ATP8B2: variants seen among roughly 807,000 people sequenced by gnomAD.
ATP8B2 encodes ATPase phospholipid transporting 8B2.
Under a neutral mutation model 133.4 loss-of-function variants are expected in ATP8B2, and 70 were observed. The ratio of observed to expected loss-of-function variants is 0.52; its 90% CI spans 0.43 to 0.64. ATP8B2 has a LOEUF of 0.64. Ranked by LOEUF, ATP8B2 falls within the 30% of genes least tolerant of loss-of-function variation. The pLI is 0.00. For synonymous variants in ATP8B2, 517 were observed against 589.5 expected (o/e 0.88, Z 1.78); for missense variants, 1,101 against 1,535.7 (o/e 0.72, Z 4.73).
chr1:154,333,458 C>G (rs563879379), intron 9 of ATP8B2, among the ~76,000 whole-genome samples: 1 of 150,120 alleles, frequency 6.7e-6, no homozygotes, highest in Non-Finnish European at 1.5e-5. Flanking sequence ...GAGCCGAGAT[C>G]GGGCCACTGC....
Position 154,349,145 on chromosome 1 carries a change from G to C in ATP8B2, c.*27G>C. The C allele has an allele frequency of 6.2e-7, 1 of 1,605,388 alleles. No homozygotes were observed. The highest frequency in any genetic ancestry group is 8.5e-7 in the Non-Finnish European group (1 of 1,174,192). On this transcript the variant is annotated 3_prime_UTR_variant, in exon 28 of 28. Transcript: ENST00000368489. ...GGCCGAGGATGGATGCCCTGTGCCA[G>C]TGACCAGAGCACCCAGGGCTGGCCA...
chr1:154,330,439 G>A lies in ATP8B2; in HGVS notation c.75G>A (p.Glu25=). ...RARANDREYN[E]KFQYASNCIK... ...GGGCTAATGACCGAGAATACAATGA[G>A]AAATTCCAGTATGCGGTAAGCGACT... is the stretch of plus-strand genomic sequence containing the variant. The change falls in exon 3 of 28, where the codon GAG becomes GAA. Residue 25 remains glutamate, a synonymous_variant. Coordinates refer to ENST00000368489, the MANE Select transcript of ATP8B2 (RefSeq NM_001370597.1). 6.6e-7 allele frequency: 1 copy of A among 1,526,404 alleles called. No homozygotes were observed. Among genetic ancestry groups the A allele is most frequent in the Non-Finnish European group, 8.9e-7 (1 of 1,119,862 alleles). The allele number at this position is 1,526,404 out of a possible 1,614,324, so 94.6% of individuals were successfully genotyped here.
chr1:154,342,347 A>C (rs1288087364), intron 13 of ATP8B2, 133 bp from the exon 14 acceptor site: 1 of 886,242 alleles, frequency 1.1e-6, no homozygotes, highest in East Asian at 2.4e-5. Context: ...AGTGACTCAC[A>C]CTGTGACAGC....
rs1685978723 is a variant in ATP8B2 at position 154,331,202 on chromosome 1, C to G, written c.303+56C>G. On this transcript the variant is annotated intron_variant, in intron 5 of 27. Transcript: ENST00000368489. This position sits in a 1 kb window ranked among gnomAD's most constrained non-coding sequence, Gnocchi z 4.8. ...CAGTCACCCACCCCTACTCCCAGCCCCACCCCCATCTCATGGCCACCTTCA... is the reference window on the plus strand; with the variant it reads ...CAGTCACCCACCCCTACTCCCAGCCGCACCCCCATCTCATGGCCACCTTCA... 1 of 1,492,320 alleles carries G rather than the reference C, an allele frequency of 6.7e-7. No individual in the cohort carries two copies. Among genetic ancestry groups the G allele is most frequent in the Non-Finnish European group, 9.3e-7 (1 of 1,080,114 alleles). The allele number at this position is 1,492,320 out of a possible 1,614,324, so 92.4% of individuals were successfully genotyped here.
At chr1:154,335,996 C>T (rs955071005) in intron 11 of ATP8B2, among the ~76,000 whole-genome samples, 2 of 148,740 alleles carry the variant, frequency 1.3e-5, no homozygotes, top group Non-Finnish European at 3.0e-5. Flanking sequence ...GAGCCGAGGT[C>T]GCGCCACTGC....
chr1:154,347,237 C>T (rs1422971848), intron 26 of ATP8B2, among the ~76,000 whole-genome samples: 10 of 152,138 alleles, frequency 6.6e-5, no homozygotes, highest in Non-Finnish European at 1.2e-4. Context: ...CCATGTGGCT[C>T]TCTGGGAACT....
At chr1:154,348,287 G>A in intron 26 of ATP8B2, 121 bp from the exon 27 acceptor site, 1 of 1,109,816 alleles carries the variant, frequency 9.0e-7, no homozygotes, top group African/African-American at 1.6e-5. Context: ...GGTGAGCCTG[G>A]AGAAGCGGGA....
At position 154,331,345 on chromosome 1, in the gene ATP8B2, G is replaced by A; in HGVS notation, c.304-99G>A. The A allele has an allele frequency of 2.3e-6, 3 of 1,322,340 alleles. No homozygotes were observed. The highest frequency in any genetic ancestry group is 2.5e-4 in the Middle Eastern group (1 of 4,014). The allele number at this position is 1,322,340 out of a possible 1,614,324, so 81.9% of individuals were successfully genotyped here. On this transcript the variant is annotated intron_variant, in intron 5 of 27. Transcript: ENST00000368489. This position sits in a 1 kb window ranked among gnomAD's most constrained non-coding sequence, Gnocchi z 4.8. ...GGAGTGAACTGGTTTGTGATGGGGT[G>A]TGTATGAGGCGTTAACCAGCATGCT...
At chr1:154,338,839 A>C (rs936002558) in intron 12 of ATP8B2, 2 of 152,238 alleles carry the variant, frequency 1.3e-5, no homozygotes, top group Admixed American at 6.5e-5. Context: ...CTAAAAAAAA[A>C]CTAAAGAATG....
In ATP8B2 at chr1:154,328,700, C is replaced by A; in HGVS notation, c.31+528C>A. The stretch of plus-strand genomic sequence containing the variant: ...GCGGCTCCTGCAGTCGGGGAGCGGG[C>A]GGGGGCGGAACCCTGGGCGTGCTCG... On this transcript the variant is annotated intron_variant, in intron 2 of 27. Transcript: ENST00000368489. The surrounding 1 kb of genome is among the most constrained non-coding windows in gnomAD (Gnocchi z 4.6). 1.2e-6 allele frequency: 1 copy of A among 801,942 alleles called. No homozygotes were observed. The allele number at this position is 801,942 out of a possible 1,614,324, so 49.7% of individuals were successfully genotyped here.
Position 154,343,005 on chromosome 1 carries a change from C to A in ATP8B2, c.1453+44C>A. On this transcript the variant is annotated intron_variant, in intron 15 of 27. Transcript: ENST00000368489. This position sits in a 1 kb window ranked among gnomAD's most constrained non-coding sequence, Gnocchi z 5.8. ...TCGCACTCTCCTGACCTGACTCTGC[C>A]CTTGGGCTCTGCTCTGCTCTGCAAT... 6.2e-7 allele frequency: 1 copy of A among 1,607,192 alleles called. No individual in the cohort carries two copies. Among genetic ancestry groups the A allele is most frequent in the South Asian group, 1.1e-5 (1 of 90,388 alleles).
intron 26 of ATP8B2, among the ~76,000 whole-genome samples, chr1:154,347,649 G>A (rs964960382): frequency 1.3e-5 from 2 of 152,030 alleles, no homozygotes; most frequent in African/African-American, 4.8e-5. Flanking sequence ...TTTTGAAAAT[G>A]GAAACAACAG....
chr1:154,349,450 G>C lies in ATP8B2; in HGVS notation c.*332G>C, dbSNP rs539216332. 2.9e-6 allele frequency: 1 copy of C among 344,900 alleles called. No homozygotes were observed. Among genetic ancestry groups the C allele is most frequent in the South Asian group, 4.3e-5 (1 of 23,244 alleles). 21.4% of individuals were successfully genotyped at this position (344,900 alleles called of 1,614,324 possible). Reference sequence around the variant, plus strand: ...CCCCTGCCCTGCCTGGGACCCACAGGGAGACTATAATCTCCTTATTTTTTT... The same window carrying C: ...CCCCTGCCCTGCCTGGGACCCACAGCGAGACTATAATCTCCTTATTTTTTT... On this transcript the variant is annotated 3_prime_UTR_variant, in exon 28 of 28. Transcript: ENST00000368489.
At position 154,334,912 on chromosome 1, in the gene ATP8B2, G is replaced by A. The variant is rs1001316038; in HGVS notation, c.837+321G>A. On this transcript the variant is annotated intron_variant, in intron 11 of 27. Transcript: ENST00000368489. This position sits in a 1 kb window ranked among gnomAD's most constrained non-coding sequence, Gnocchi z 4.6. ...CCAGGGACAAGGAGGCCTTCATGGGGATGGAGAGGGAATTAAAAGAAAAAT... is the reference window on the plus strand; with the variant it reads ...CCAGGGACAAGGAGGCCTTCATGGGAATGGAGAGGGAATTAAAAGAAAAAT... Among the ~76,000 whole-genome samples the A allele has an allele frequency of 1.3e-5, 2 of 152,160 alleles. No homozygotes were observed. The highest frequency in any genetic ancestry group is 2.9e-5 in the Non-Finnish European group (2 of 68,032).
At chr1:154,332,520 T>C in intron 8 of ATP8B2, 98 bp from the exon 9 acceptor site, 1 of 931,186 alleles carries the variant, frequency 1.1e-6, no homozygotes, top group Non-Finnish European at 1.7e-6. Flanking sequence ...ATTGTGCGAC[T>C]GCACTCCAGC....
intron 27 of ATP8B2, 128 bp downstream of exon 27, chr1:154,348,666 G>A: frequency 7.0e-7 from 1 of 1,434,682 alleles, no homozygotes; most frequent in Non-Finnish European, 9.4e-7. Context: ...GTTCTTCCTG[G>A]GGACAGACAC....
Position 154,342,957 on chromosome 1 carries a change from C to A in ATP8B2, c.1449C>A (p.Asn483Lys). 6.2e-7 allele frequency: 1 copy of A among 1,613,870 alleles called. No homozygotes were observed. The change falls in exon 15 of 28, where the codon AAC (asparagine) becomes AAA (lysine). Residue 483 changes from asparagine (N) to lysine (K), a missense_variant. Coordinates refer to ENST00000368489, the MANE Select transcript of ATP8B2 (RefSeq NM_001370597.1). Reference protein sequence around the residue: ...LCHTVMSEEKNEGELYYKAQS... With the variant: ...LCHTVMSEEKKEGELYYKAQS... ...ATACTGTCATGTCAGAAGAAAAGAA[C>A]GAAGGTGGGCCGAGGAGCCGGCTCG...
At position 154,342,919 on chromosome 1, in the gene ATP8B2, CT is replaced by C. The variant is rs1373997113; in HGVS notation, c.1414del (p.Ser472ProfsTer76). ...CCACACGCATGAGTTCTTCCGCCTCCTTTCCCTGTGTCATACTGTCATGTCA... is the reference window on the plus strand; with the variant it reads ...CCACACGCATGAGTTCTTCCGCCTCCTTCCCTGTGTCATACTGTCATGTCA... ...DPHTHEFFRL[L>X]SLCHTVMSEE... On this transcript the variant is annotated frameshift_variant, in exon 15 of 28. Coordinates refer to ENST00000368489, the MANE Select transcript of ATP8B2 (RefSeq NM_001370597.1). LOFTEE classifies it high-confidence loss of function. 6.2e-7 allele frequency: 1 copy of C among 1,614,072 alleles called. No individual in the cohort carries two copies. The highest frequency in any genetic ancestry group is 1.7e-5 in the Admixed American group (1 of 60,010).
Position 154,337,432 on chromosome 1 carries a change from G to A in ATP8B2, c.922G>A (p.Val308Ile), listed in dbSNP as rs1313295916. The A allele has an allele frequency of 1.2e-6, 2 of 1,614,132 alleles. No individual in the cohort carries two copies. The highest frequency in any genetic ancestry group is 1.7e-6 in the Non-Finnish European group (2 of 1,180,022). The change falls in exon 12 of 28, where the codon GTC (valine) becomes ATC (isoleucine). Residue 308 changes from valine to isoleucine, a missense_variant. Coordinates refer to ENST00000368489, the MANE Select transcript of ATP8B2 (RefSeq NM_001370597.1). The stretch of plus-strand genomic sequence containing the variant: ...GCACGAGGTGGGGATGCGTTTCCAG[G>A]TCTACCTGCCGTGGGATGAGGCAGT... ...WEHEVGMRFQ[V>I]YLPWDEAVDS...
Sources: gnomAD v4.1 joint callset for allele counts (sites outside exome capture counted in the v4.1 genomes callset) on GRCh38, gnomAD v4.1.1 for gene constraint, Gnocchi (gnomAD v3.1) non-coding constraint, MANE v1.5 for transcripts, NCBI Gene and HGNC (gene_info 2026-07-23, HGNC 2026-07-21) for gene names.